Variants in ZNF804A observed in about 807,000 individuals in gnomAD.
ZNF804A encodes the protein zinc finger protein 804A.
Under a neutral mutation model 16.5 loss-of-function variants are expected in ZNF804A, and 2 were observed. The observed-to-expected ratio is 0.12, with a 90% CI of 0.05 to 0.38. The LOEUF (loss-of-function observed/expected upper bound fraction) is 0.38. ZNF804A is among the 10% of genes least tolerant of loss of function. The pLI is 0.99. For missense variants in ZNF804A, 1,473 were observed against 1,390.7 expected (o/e 1.06, Z -0.94); for synonymous variants, 534 against 489.6 (o/e 1.09, Z -1.20).
intron 1 of ZNF804A, among the ~76,000 whole-genome samples, chr2:184,618,799 T>A (rs1156897018): frequency 6.6e-6 from 1 of 152,144 alleles, no homozygotes; most frequent in Non-Finnish European, 1.5e-5. Flanking sequence ...TATTATTGTT[T>A]CTTCCATTTA....
chr2:184,681,644 G>A (rs1026394724), intron 1 of ZNF804A, among the ~76,000 whole-genome samples: 3 of 152,188 alleles, frequency 2.0e-5, no homozygotes, highest in African/African-American at 7.2e-5. Flanking sequence ...GATGGCATCC[G>A]CAGCCTGTCT....
At chr2:184,615,355 A>G (rs1691302358) in intron 1 of ZNF804A, among the ~76,000 whole-genome samples, 1 of 152,196 alleles carries the variant, frequency 6.6e-6, no homozygotes, top group South Asian at 2.1e-4. Context: ...TGTATCCCAG[A>G]ACTTAAATTA....
chr2:184,765,897 A>G (rs1196775195), intron 1 of ZNF804A, among the ~76,000 whole-genome samples: 3 of 152,130 alleles, frequency 2.0e-5, no homozygotes, highest in African/African-American at 4.8e-5. Context: ...GAATTTCCCA[A>G]TTTTAAGTAG....
At chr2:184,919,108 G>A (rs776561325) in intron 2 of ZNF804A, among the ~76,000 whole-genome samples, 123 of 152,182 alleles carry the variant, frequency 8.1e-4, no homozygotes, top group Non-Finnish European at 1.1e-3. Flanking sequence ...GAGAAATGCT[G>A]TGTGTGGAAT....
chr2:184,872,814 G>A (rs1278700828), intron 2 of ZNF804A, among the ~76,000 whole-genome samples: 1 of 152,086 alleles, frequency 6.6e-6, no homozygotes, highest in Non-Finnish European at 1.5e-5. Flanking sequence ...ACTAAAAGTG[G>A]TGAGATCTTG....
At chr2:184,907,609 G>C (rs1685297275) in intron 2 of ZNF804A, among the ~76,000 whole-genome samples, 1 of 152,004 alleles carries the variant, frequency 6.6e-6, no homozygotes, top group African/African-American at 2.4e-5. Context: ...ATGAAGTTGT[G>C]TCTTGCCAGA....
intron 1 of ZNF804A, among the ~76,000 whole-genome samples, chr2:184,634,965 TA>T (rs60695567): frequency 0.12 from 18,973 of 152,112 alleles, 1,274 homozygotes; most frequent in Middle Eastern, 0.23. Flanking sequence ...TGTATTTTTT[TA>T]AAAAAATAAA....
Position 184,783,438 on chromosome 2 carries a change from T to C in ZNF804A, c.112-82931T>C, listed in dbSNP as rs913139317. ...TGGAAGAGCAATAAAAATCTTACGA[T>C]GTACTGAATAATCATTACAAAATAA... On this transcript the variant is annotated intron_variant, in intron 1 of 3. Transcript: ENST00000302277. Among the ~76,000 whole-genome samples, 18 of 152,060 alleles carry C rather than the reference T, an allele frequency of 1.2e-4. 1 individual carries two copies. The South Asian group carries it at 2.3e-3, about 19-fold the overall frequency.
At chr2:184,601,963 T>C (rs1286352522) in intron 1 of ZNF804A, among the ~76,000 whole-genome samples, 6 of 151,972 alleles carry the variant, frequency 3.9e-5, no homozygotes, top group Admixed American at 3.9e-4. Context: ...TACAGTCTTC[T>C]TTTATGAATT....
At chr2:184,859,488 A>G (rs1263900713) in intron 1 of ZNF804A, among the ~76,000 whole-genome samples, 1 of 151,682 alleles carries the variant, frequency 6.6e-6, no homozygotes, top group Non-Finnish European at 1.5e-5. Context: ...ATTTTGGGTC[A>G]TTTATTGTCT....
rs547814094 is a variant in ZNF804A at position 184,871,467 on chromosome 2, A to G, written c.255+4955A>G. On this transcript the variant is annotated intron_variant, in intron 2 of 3. Transcript: ENST00000302277. ...CAATTTAGATTTTCCACTGAATATT[A>G]TTAACAAAATAGGAATTCACAGCCA... Among the ~76,000 whole-genome samples the G allele has an allele frequency of 2.6e-5, 4 of 151,486 alleles. No individual in the cohort carries two copies. In the South Asian group the frequency reaches 8.3e-4, roughly 31 times the overall value.
At chr2:184,863,569 C>T (rs1274254635) in intron 1 of ZNF804A, among the ~76,000 whole-genome samples, 1 of 149,978 alleles carries the variant, frequency 6.7e-6, no homozygotes, top group Non-Finnish European at 1.5e-5. Context: ...AAAAAAAACA[C>T]CTTACAACAT....
intron 1 of ZNF804A, among the ~76,000 whole-genome samples, chr2:184,655,015 C>T (rs915707989): frequency 6.6e-6 from 1 of 152,166 alleles, no homozygotes; most frequent in East Asian, 1.9e-4. Flanking sequence ...TGAGATTATA[C>T]ATCTCTACTC....
At position 184,939,122 on chromosome 2, in the gene ZNF804A, A is replaced by C; in HGVS notation, c.*96A>C. On this transcript the variant is annotated 3_prime_UTR_variant, in exon 4 of 4. Coordinates refer to ENST00000302277, the MANE Select transcript of ZNF804A (RefSeq NM_194250.2). ...GGGTACATGGCTATTTAACTGGTGG[A>C]AATAAACTGGCCGATACATGGCGTC... 6.8e-7 allele frequency: 1 copy of C among 1,467,072 alleles called. No individual in the cohort carries two copies. Among genetic ancestry groups the C allele is most frequent in the South Asian group, 1.3e-5 (1 of 75,288 alleles). 90.9% of individuals were successfully genotyped at this position (1,467,072 alleles called of 1,614,324 possible).
At chr2:184,623,955 G>C (rs1691456436) in intron 1 of ZNF804A, among the ~76,000 whole-genome samples, 1 of 152,104 alleles carries the variant, frequency 6.6e-6, no homozygotes, top group Admixed American at 6.6e-5. Flanking sequence ...GATACTTCTG[G>C]AATAATATCG....
chr2:184,650,056 C>A (rs1691953522), intron 1 of ZNF804A, among the ~76,000 whole-genome samples: 2 of 151,988 alleles, frequency 1.3e-5, no homozygotes, highest in South Asian at 4.1e-4. Flanking sequence ...AAGGACAAAT[C>A]CTCGAGAAAA....
At chr2:184,680,681 T>C (rs933582128) in intron 1 of ZNF804A, among the ~76,000 whole-genome samples, 2 of 152,262 alleles carry the variant, frequency 1.3e-5, no homozygotes, top group Non-Finnish European at 2.9e-5. Flanking sequence ...TACTTGTCCA[T>C]GTTCCTCATT....
At chr2:184,755,160 GTC>G (rs1693939686) in intron 1 of ZNF804A, among the ~76,000 whole-genome samples, 1 of 151,938 alleles carries the variant, frequency 6.6e-6, no homozygotes, top group Non-Finnish European at 1.5e-5. Context: ...GTCAAAGTTA[GTC>G]TTTGAGGTTA....
intron 1 of ZNF804A, among the ~76,000 whole-genome samples, chr2:184,601,527 T>C (rs1402313012): frequency 6.6e-6 from 1 of 152,140 alleles, no homozygotes; most frequent in African/African-American, 2.4e-5. Flanking sequence ...ATGCTTATCA[T>C]GGTTTTACAG....
Sources: gnomAD v4.1 joint callset for allele counts (sites outside exome capture counted in the v4.1 genomes callset) on GRCh38, gnomAD v4.1.1 for gene constraint, MANE v1.5 for transcripts, NCBI Gene and HGNC (gene_info 2026-07-23, HGNC 2026-07-21) for gene names.